KCNAB2: variants seen among roughly 807,000 people sequenced by gnomAD.
The protein encoded by KCNAB2 is potassium voltage-gated channel subfamily A regulatory beta subunit 2.
Under a neutral mutation model 63.6 loss-of-function variants are expected in KCNAB2, and 29 were observed. The ratio of observed to expected loss-of-function variants is 0.46; its 90% CI spans 0.34 to 0.62. The LOEUF is 0.62. Among genes scored for constraint, KCNAB2 ranks in the 20% least tolerant of loss-of-function variants. The pLI, the probability that KCNAB2 is intolerant of heterozygous loss-of-function variation, is 0.01. For synonymous variants in KCNAB2, 222 were observed against 224.2 expected (o/e 0.99, Z 0.09); for missense variants, 359 against 563.9 (o/e 0.64, Z 3.68).
At chr1:6,008,530 A>G (rs1657959110) in intron 1 of KCNAB2, among the ~76,000 whole-genome samples, 1 of 151,774 alleles carries the variant, frequency 6.6e-6, no homozygotes, top group South Asian at 2.1e-4. Flanking sequence ...CTGAAGCAAG[A>G]GAATTGCTTG....
At chr1:6,084,669 A>C (rs1426964775) in intron 5 of KCNAB2, among the ~76,000 whole-genome samples, 11 of 152,112 alleles carry the variant, frequency 7.2e-5, no homozygotes, top group Non-Finnish European at 7.3e-5. Context: ...TACAAAAATT[A>C]GCCGGGCGTG....
intron 1 of KCNAB2, among the ~76,000 whole-genome samples, chr1:6,016,395 T>C (rs1382875146): frequency 1.3e-5 from 2 of 152,318 alleles, no homozygotes; most frequent in South Asian, 2.1e-4. Flanking sequence ...TGAGTCACAA[T>C]GGAGCTATTT....
intron 2 of KCNAB2, among the ~76,000 whole-genome samples, chr1:6,064,365 C>A (rs964241499): frequency 6.6e-6 from 1 of 152,218 alleles, no homozygotes; most frequent in African/African-American, 2.4e-5. Flanking sequence ...ACACAGTAGG[C>A]ACCCAGAGGC....
chr1:6,087,421 C>T lies in KCNAB2; in HGVS notation c.426-46C>T. 2 of 1,604,998 alleles carry T rather than the reference C, an allele frequency of 1.2e-6. No individual in the cohort carries two copies. Among genetic ancestry groups the T allele is most frequent in the South Asian group, 1.1e-5 (1 of 90,894 alleles). On this transcript the variant is annotated intron_variant, in intron 6 of 15. Transcript: ENST00000378083. The surrounding 1 kb of genome is among the most constrained non-coding windows in gnomAD (Gnocchi z 6.4). The stretch of plus-strand genomic sequence containing the variant: ...ACGTCGGGGATGAAGGAGGACCCCC[C>T]AGGGGCCGGGCTTATCACACCCCTT...
intron 1 of KCNAB2, among the ~76,000 whole-genome samples, chr1:6,007,177 G>C (rs12067096): frequency 0.03 from 4,478 of 147,108 alleles, 227 homozygotes; most frequent in African/African-American, 0.11. Flanking sequence ...GTTACTGCCC[G>C]GGCCTCCCTG....
chr1:5,998,575 A>G (rs1394131938), intron 1 of KCNAB2, among the ~76,000 whole-genome samples: 1 of 152,102 alleles, frequency 6.6e-6, no homozygotes, highest in African/African-American at 2.4e-5. Flanking sequence ...GAGAGGGAAG[A>G]TGAAGGTCAA....
chr1:6,051,598 G>C lies in KCNAB2; in HGVS notation c.62G>C (p.Trp21Ser). Reference sequence around the variant, plus strand: ...GTGAGCAGCAGGTGCCACTCTGAATGGGCCCTGCACCCCGTCCGCCAGACG... The same window carrying C: ...GTGAGCAGCAGGTGCCACTCTGAATCGGCCCTGCACCCCGTCCGCCAGACG... ...RSVSSRCHSE[W>S]ALHPVRQTDT... The change falls in exon 2 of 16, where the codon TGG becomes TCG. Residue 21 changes from tryptophan to serine, a missense_variant. Transcript: ENST00000378083. 1.3e-6 allele frequency: 2 copies of C among 1,534,840 alleles called. No individual in the cohort carries two copies. The highest frequency in any genetic ancestry group is 1.8e-4 in the Middle Eastern group (1 of 5,474).
chr1:6,041,747 C>T, upstream of KCNAB2: 1 of 1,226,782 alleles, frequency 8.2e-7, no homozygotes, highest in Non-Finnish European at 1.2e-6. Flanking sequence ...TTCTGACCTG[C>T]ACCTGCTGGG....
chr1:6,019,937 G>A (rs567912185), intron 1 of KCNAB2, among the ~76,000 whole-genome samples: 1 of 152,338 alleles, frequency 6.6e-6, no homozygotes, highest in South Asian at 2.1e-4. Context: ...CCCAGCAGGT[G>A]AAAGTTATGA....
intron 7 of KCNAB2, among the ~76,000 whole-genome samples, chr1:6,088,422 G>T (rs567938592): frequency 1.3e-5 from 2 of 151,492 alleles, no homozygotes; most frequent in African/African-American, 4.8e-5. Context: ...TTTTATTTTT[G>T]TATTTTGTAG....
At chr1:6,031,247 ACTT>A (rs1354595771), upstream of KCNAB2, among the ~76,000 whole-genome samples, 1 of 151,992 alleles carries the variant, frequency 6.6e-6, no homozygotes, top group Non-Finnish European at 1.5e-5. The surrounding 1 kb of genome is among the most constrained non-coding windows in gnomAD (Gnocchi z 4.1). Context: ...GGGTGCACTG[ACTT>A]CTTCCCATCT....
In KCNAB2 at chr1:6,087,411, G is replaced by A; in HGVS notation, c.426-56G>A. The A allele has an allele frequency of 6.3e-7, 1 of 1,584,788 alleles. No individual in the cohort carries two copies. Among genetic ancestry groups the A allele is most frequent in the Non-Finnish European group, 8.7e-7 (1 of 1,153,480 alleles). On this transcript the variant is annotated intron_variant, in intron 6 of 15. Coordinates refer to ENST00000378083, the MANE Select transcript of KCNAB2 (RefSeq NM_001199862.2). The surrounding 1 kb of genome is among the most constrained non-coding windows in gnomAD (Gnocchi z 6.4). The stretch of plus-strand genomic sequence containing the variant: ...AGAGATGAGGACGTCGGGGATGAAG[G>A]AGGACCCCCCAGGGGCCGGGCTTAT...
At chr1:6,092,456 G>C (rs539700989) in intron 10 of KCNAB2, among the ~76,000 whole-genome samples, 2 of 152,390 alleles carry the variant, frequency 1.3e-5, no homozygotes, top group South Asian at 4.1e-4. Flanking sequence ...GACAGCTGCC[G>C]GGGAGGGAGA....
Position 6,096,769 on chromosome 1 carries a change from T to A in KCNAB2, c.1069+13T>A. The A allele has an allele frequency of 1.3e-6, 2 of 1,560,744 alleles. No homozygotes were observed. Among genetic ancestry groups the A allele is most frequent in the Non-Finnish European group, 1.7e-6 (2 of 1,151,078 alleles). ...CAGCTGGCCATAGGTAACGGTGGGG[T>A]CGCCATGGGGCCAGTGCCCCTGGGG... is the stretch of plus-strand genomic sequence containing the variant. On this transcript the variant is annotated intron_variant, in intron 14 of 15. Transcript: ENST00000378083. This position sits in a 1 kb window ranked among gnomAD's most constrained non-coding sequence, Gnocchi z 5.9.
At position 5,995,054 on chromosome 1, in the gene KCNAB2, G is replaced by A. The variant is rs189250328; in HGVS notation, c.-53+2266G>A. 4.5e-3 allele frequency among the ~76,000 whole-genome samples: 689 copies of A among 152,316 alleles called. 10 individuals carry two copies. The highest frequency in any genetic ancestry group is 0.015 in the African/African-American group (634 of 41,566). ...GGGACTCTGGCCAGGTGCGGTATGT[G>A]TCTGGTCCTCGGCTAAGTTCTCAGT... On this transcript the variant is annotated intron_variant, in intron 1 of 16. Coordinates refer to the KCNAB2 transcript ENST00000341524.
intron 2 of KCNAB2, among the ~76,000 whole-genome samples, chr1:6,053,015 T>C (rs991812228): frequency 6.6e-6 from 1 of 152,128 alleles, no homozygotes; most frequent in African/African-American, 2.4e-5. Context: ...TAACGTTTTC[T>C]CCTGTGGACG....
chr1:6,000,656 GAAAAAAAAA>G (rs59096294), intron 1 of KCNAB2, among the ~76,000 whole-genome samples: 1 of 141,810 alleles, frequency 7.1e-6, no homozygotes, highest in African/African-American at 2.6e-5. Context: ...TCCCAGAAAA[GAAAAAAAAA>G]AAAAAGAAAA....
Position 6,082,224 on chromosome 1 carries a change from T to C in KCNAB2, c.330T>C (p.Tyr110=). The change falls in exon 5 of 16, where the codon TAT becomes TAC. Residue 110 remains tyrosine, a synonymous_variant. Transcript: ENST00000378083. ...EMAEQLMTLA[Y]DNGINLFDTA... is the part of the protein sequence containing the mutation. ...CAGAGCAGCTCATGACCTTGGCCTA[T>C]GATAATGGCATCAACCTCTTCGATA... 6.2e-7 allele frequency: 1 copy of C among 1,613,970 alleles called. No homozygotes were observed. The highest frequency in any genetic ancestry group is 8.5e-7 in the Non-Finnish European group (1 of 1,179,840).
rs937424131 is a variant in KCNAB2 at position 6,040,460 on chromosome 1, G to A, written c.-52-57G>A. 80 of 958,478 alleles carry A rather than the reference G, an allele frequency of 8.3e-5. No homozygotes were observed. The African/African-American group carries it at 1.2e-3, about 14-fold the overall frequency. The allele number at this position is 958,478 out of a possible 1,614,324, so 59.4% of individuals were successfully genotyped here. A position where few individuals can be genotyped will look rare whatever the true frequency, so the allele number is the denominator to read the frequency against. On this transcript the variant is annotated intron_variant, in intron 1 of 15. Coordinates refer to the KCNAB2 transcript ENST00000164247. ...ATCCCAGAGTCTCCCGGCCAAACCT[G>A]GTTGATCTTTTTTAACCACCACCCT...
Sources: gnomAD v4.1 joint callset for allele counts (sites outside exome capture counted in the v4.1 genomes callset) on GRCh38, gnomAD v4.1.1 for gene constraint, Gnocchi (gnomAD v3.1) non-coding constraint, MANE v1.5 for transcripts, NCBI Gene and HGNC (gene_info 2026-07-23, HGNC 2026-07-21) for gene names.